DLC1: variants seen among roughly 807,000 people sequenced by gnomAD.
DLC1 encodes the protein DLC1 Rho GTPase activating protein, also known as rho GTPase-activating protein 7.
Under a neutral mutation model 140.3 loss-of-function variants are expected in DLC1, and 54 were observed. That is an observed-to-expected ratio of 0.38 (90% CI 0.31 to 0.48). DLC1 has a LOEUF of 0.48. DLC1 is among the 20% of genes least tolerant of loss of function. The pLI, the probability that DLC1 is intolerant of heterozygous loss-of-function variation, is 0.96. For synonymous variants in DLC1, 986 were observed against 728.1 expected, an observed-to-expected ratio of 1.35 and a Z score of -5.70; for missense variants, 2,536 against 1,907.0, an observed-to-expected ratio of 1.33 and a Z score of -6.14.
intron 1 of DLC1, among the ~76,000 whole-genome samples, chr8:13,593,201 G>T (rs1805575177): frequency 6.6e-6 from 1 of 152,072 alleles, no homozygotes; most frequent in Non-Finnish European, 1.5e-5. Flanking sequence ...TTGTGGAGAA[G>T]AAATCTAGCA....
intron 3 of DLC1, among the ~76,000 whole-genome samples, chr8:13,397,247 C>T (rs289569): frequency 0.49 from 74,895 of 151,802 alleles, 19,786 homozygotes; most frequent in East Asian, 0.77. Flanking sequence ...TGGTGATTCC[C>T]AGGGAGAATA....
chr8:13,475,291 A>T (rs1488181628), intron 2 of DLC1, among the ~76,000 whole-genome samples: 1 of 152,250 alleles, frequency 6.6e-6, no homozygotes, highest in Non-Finnish European at 1.5e-5. Flanking sequence ...TAGCACAGAT[A>T]TCTTAATTAT....
intron 4 of DLC1, among the ~76,000 whole-genome samples, chr8:13,315,336 T>A (rs1189534088): frequency 6.6e-6 from 1 of 152,180 alleles, no homozygotes; most frequent in Non-Finnish European, 1.5e-5. Context: ...AGGATGATAA[T>A]CAAATAATAG....
intron 3 of DLC1, among the ~76,000 whole-genome samples, chr8:13,396,539 C>T (rs774094660): frequency 2.6e-5 from 4 of 152,130 alleles, no homozygotes; most frequent in South Asian, 2.1e-4. Flanking sequence ...ATCACCTCTA[C>T]GTGGAAGTTA....
chr8:13,237,475 T>A (rs1829341360), intron 5 of DLC1, among the ~76,000 whole-genome samples: 2 of 151,932 alleles, frequency 1.3e-5, no homozygotes. Context: ...ATTTCTTTAT[T>A]TCAATAGTTT....
At chr8:13,556,246 C>A (rs1313627770) in intron 1 of DLC1, among the ~76,000 whole-genome samples, 1 of 152,004 alleles carries the variant, frequency 6.6e-6, no homozygotes, top group Non-Finnish European at 1.5e-5. Context: ...ATGATTTTGC[C>A]CTCCTAAAAC....
At chr8:13,093,775 T>TCCA (rs1027812959) in intron 12 of DLC1, among the ~76,000 whole-genome samples, 2 of 152,140 alleles carry the variant, frequency 1.3e-5, no homozygotes, top group African/African-American at 4.8e-5. Context: ...TAAAATAAAG[T>TCCA]CCACTGTGCC....
intron 3 of DLC1, among the ~76,000 whole-genome samples, chr8:13,400,562 C>T (rs1340020043): frequency 6.6e-6 from 1 of 151,988 alleles, no homozygotes; most frequent in Non-Finnish European, 1.5e-5. Context: ...AATATAAAAC[C>T]CAGTTTACAA....
intron 1 of DLC1, among the ~76,000 whole-genome samples, chr8:13,580,196 C>T (rs1417573668): frequency 1.3e-5 from 2 of 151,616 alleles, no homozygotes; most frequent in African/African-American, 4.9e-5. Flanking sequence ...AATCTCGGCT[C>T]ACTGCAGCCT....
At chr8:13,348,957 G>A (rs1297523929) in intron 4 of DLC1, among the ~76,000 whole-genome samples, 1 of 152,188 alleles carries the variant, frequency 6.6e-6, no homozygotes, top group Non-Finnish European at 1.5e-5. Context: ...ATTGGAGGCA[G>A]CAGCCGCTCT....
intron 1 of DLC1, among the ~76,000 whole-genome samples, chr8:13,583,640 A>G (rs954465990): frequency 2.0e-5 from 3 of 152,182 alleles, no homozygotes; most frequent in Non-Finnish European, 4.4e-5. Flanking sequence ...TTTATTTAAT[A>G]TTTTCATGTC....
chr8:13,120,356 A>AAAAAAAAAAAAATATATATATAT lies in DLC1; in HGVS notation c.1349-4700_1349-4699insATATATATATATTTTTTTTTTTT. On this transcript the variant is annotated intron_variant, in intron 5 of 17. Transcript: ENST00000276297. Reference sequence around the variant, plus strand: ...AGACTCCGTCGCAAAAAAAAAAAAAAATATATATATATATAAAATGTATAT... The same window carrying AAAAAAAAAAAAATATATATATAT: ...AGACTCCGTCGCAAAAAAAAAAAAAAAAAAAAAAAAAATATATATATATATATATATATATATAAAATGTATAT... Among the ~76,000 whole-genome samples, 195 of 61,028 alleles carry AAAAAAAAAAAAATATATATATAT rather than the reference A, an allele frequency of 3.2e-3. 4 individuals are homozygous for AAAAAAAAAAAAATATATATATAT. Among genetic ancestry groups the AAAAAAAAAAAAATATATATATAT allele is most frequent in the African/African-American group, 7.5e-3 (180 of 23,986 alleles). 40.0% of individuals were successfully genotyped at this position (61,028 alleles called of 152,430 possible).
chr8:13,557,040 G>A (rs1383287753), intron 1 of DLC1, among the ~76,000 whole-genome samples: 1 of 152,156 alleles, frequency 6.6e-6, no homozygotes, highest in Non-Finnish European at 1.5e-5. Flanking sequence ...TCAGGGGTCT[G>A]AAGGGTGAGA....
chr8:13,113,948 A>G (rs1162500032), intron 6 of DLC1, among the ~76,000 whole-genome samples: 1 of 152,270 alleles, frequency 6.6e-6, no homozygotes, highest in Non-Finnish European at 1.5e-5. Flanking sequence ...TAACTTGGGA[A>G]TCACTTTGCT....
chr8:13,126,684 TA>T (rs1821602443), intron 5 of DLC1, among the ~76,000 whole-genome samples: 1 of 152,228 alleles, frequency 6.6e-6, no homozygotes, highest in African/African-American at 2.4e-5. Context: ...GTTACAAACC[TA>T]GAGTAACCCT....
chr8:13,189,772 C>T (rs1826635910), intron 5 of DLC1, among the ~76,000 whole-genome samples: 1 of 151,854 alleles, frequency 6.6e-6, no homozygotes, highest in African/African-American at 2.4e-5. Flanking sequence ...GTCCCAGCTA[C>T]TCGGGAGGCT....
At chr8:13,525,612 G>C (rs144613549) in intron 1 of DLC1, among the ~76,000 whole-genome samples, 2 of 152,076 alleles carry the variant, frequency 1.3e-5, no homozygotes, top group African/African-American at 4.8e-5. Context: ...TTTCACATGC[G>C]TATTTGTCAG....
chr8:13,366,291 C>T (rs1835475921), intron 4 of DLC1, among the ~76,000 whole-genome samples: 1 of 152,132 alleles, frequency 6.6e-6, no homozygotes, highest in Non-Finnish European at 1.5e-5. Context: ...TACTTTAATT[C>T]ATTGAGAAAA....
chr8:13,499,115 T>C lies in DLC1; in HGVS notation c.957A>G (p.Leu319=), dbSNP rs760640481. 1.2e-6 allele frequency: 2 copies of C among 1,614,064 alleles called. No individual in the cohort carries two copies. Among genetic ancestry groups the C allele is most frequent in the Admixed American group, 3.3e-5 (2 of 60,010 alleles). Residue 319 remains leucine, a synonymous_variant, in exon 2 of 18, where the codon TTA becomes TTG. Transcript: ENST00000276297. ...KVKAEDGMQC[L]QLKETLATQE... ...GGGTGGCCAGGGTCTCCTTTAATTG[T>C]AAACACTGCATGCCATCTTCTGCCT...
Sources: gnomAD v4.1 joint callset for allele counts (sites outside exome capture counted in the v4.1 genomes callset) on GRCh38, gnomAD v4.1.1 for gene constraint, MANE v1.5 for transcripts, NCBI Gene and HGNC (gene_info 2026-07-23, HGNC 2026-07-21) for gene names.